AP4E1: variants seen among roughly 807,000 people sequenced by gnomAD.
AP4E1 encodes the protein adaptor related protein complex 4 subunit epsilon 1, also known as AP-4 complex subunit epsilon-1.
Under a neutral mutation model 128.2 loss-of-function variants are expected in AP4E1, and 56 were observed. The observed-to-expected ratio is 0.44, with a 90% confidence interval of 0.35 to 0.55. AP4E1 has a LOEUF of 0.55. Among genes scored for constraint, AP4E1 ranks in the 20% least tolerant of loss-of-function variants. AP4E1 has a pLI of 0.00. For missense variants in AP4E1, 1,324 were observed against 1,307.7 expected, an observed-to-expected ratio of 1.01 and a Z score of -0.19; for synonymous variants, 484 against 473.1, an observed-to-expected ratio of 1.02 and a Z score of -0.30.
chr15:50,999,423 A>G lies in AP4E1; in HGVS notation c.3095+161A>G, dbSNP rs13379628. On this transcript the variant is annotated intron_variant, in intron 19 of 20. Coordinates refer to ENST00000261842, the MANE Select transcript of AP4E1 (RefSeq NM_007347.5). ...GGAATTTCTAGTCTATGGAGGAGAC[A>G]TGGAGCAATTACATAAATACATATG... Among the ~76,000 whole-genome samples the G allele has an allele frequency of 3.0e-3, 455 of 152,358 alleles. 8 individuals carry two copies. Among genetic ancestry groups the G allele is most frequent in the African/African-American group, 0.011 (443 of 41,588 alleles).
intron 10 of AP4E1, among the ~76,000 whole-genome samples, chr15:50,942,874 C>T (rs2064006753): frequency 6.6e-6 from 1 of 151,610 alleles, no homozygotes; most frequent in African/African-American, 2.4e-5. Context: ...ATAAAAATAG[C>T]AAAGATTTAA....
chr15:50,996,772 C>T (rs2064880671), intron 17 of AP4E1, among the ~76,000 whole-genome samples: 1 of 152,190 alleles, frequency 6.6e-6, no homozygotes, highest in South Asian at 2.1e-4. Flanking sequence ...GTGTGGCAAA[C>T]ATCACTAGTC....
chr15:50,913,312 A>G (rs1441687007), intron 2 of AP4E1, among the ~76,000 whole-genome samples: 1 of 152,244 alleles, frequency 6.6e-6, no homozygotes, highest in African/African-American at 2.4e-5. Flanking sequence ...TCATAGTACT[A>G]GATAGAAACG....
Position 50,964,952 on chromosome 15 carries a change from CT to C in AP4E1, c.1852-3310del, listed in dbSNP as rs995200858. 2.0e-3 allele frequency among the ~76,000 whole-genome samples: 255 copies of C among 128,994 alleles called. 3 individuals carry two copies. Among genetic ancestry groups the C allele is most frequent in the African/African-American group, 6.8e-3 (228 of 33,380 alleles). The allele number at this position is 128,994 out of a possible 152,430, so 84.6% of individuals were successfully genotyped here. A position where few individuals can be genotyped will look rare whatever the true frequency, so the allele number is the denominator to read the frequency against. On this transcript the variant is annotated intron_variant, in intron 14 of 20. Coordinates refer to ENST00000261842, the MANE Select transcript of AP4E1 (RefSeq NM_007347.5). The stretch of plus-strand genomic sequence containing the variant: ...TTATTGTAAAGTATAACACCTCCCC[CT>C]ACCACACACACACACACACACACAC...
intron 7 of AP4E1, among the ~76,000 whole-genome samples, chr15:50,933,220 T>C (rs2063858032): frequency 6.6e-6 from 1 of 152,192 alleles, no homozygotes; most frequent in Non-Finnish European, 1.5e-5. Flanking sequence ...TTATGGAACA[T>C]TAGAATGTTT....
chr15:50,929,390 C>CT (rs1256443342), intron 6 of AP4E1, among the ~76,000 whole-genome samples: 1 of 149,234 alleles, frequency 6.7e-6, no homozygotes, highest in Non-Finnish European at 1.5e-5. Context: ...TTTGATGTTA[C>CT]TAAACAGGTG....
chr15:50,980,743 C>T (rs1283240414), intron 15 of AP4E1, among the ~76,000 whole-genome samples: 7 of 152,294 alleles, frequency 4.6e-5, no homozygotes, highest in Admixed American at 3.9e-4. Flanking sequence ...TGCCTCAAGT[C>T]TCTGCTCCCT....
intron 14 of AP4E1, among the ~76,000 whole-genome samples, chr15:50,967,707 C>T (rs2140892721): frequency 6.6e-6 from 1 of 152,304 alleles, no homozygotes; most frequent in Admixed American, 6.5e-5. Context: ...ATATATTCTC[C>T]ACTGCAGTGA....
chr15:50,948,309 A>G, intron 11 of AP4E1, 150 bp downstream of exon 11: 3 of 936,116 alleles, frequency 3.2e-6, no homozygotes, highest in Non-Finnish European at 4.7e-6. Flanking sequence ...TGTCAGAAAA[A>G]GGGATTTGTG....
At chr15:50,999,985 A>ATTT (rs963859582) in intron 19 of AP4E1, among the ~76,000 whole-genome samples, 6 of 151,708 alleles carry the variant, frequency 4.0e-5, no homozygotes, top group Non-Finnish European at 8.8e-5. Flanking sequence ...ACCTGCTCTA[A>ATTT]TTTTGTTTTA....
chr15:50,918,858 G>C (rs1319472632), intron 3 of AP4E1, among the ~76,000 whole-genome samples: 1 of 151,962 alleles, frequency 6.6e-6, no homozygotes, highest in Non-Finnish European at 1.5e-5. Flanking sequence ...ATGTACCATA[G>C]TTTTTTCAAC....
rs906149039 is a variant in AP4E1 at position 50,960,939 on chromosome 15, A to G, written c.1851+2145A>G. Among the ~76,000 whole-genome samples the G allele has an allele frequency of 2.0e-5, 3 of 152,078 alleles. No homozygotes were observed. In the South Asian group the frequency reaches 6.2e-4, roughly 31 times the overall value. The stretch of plus-strand genomic sequence containing the variant: ...TAAGTAAAACCAGAAACAAAAAAGT[A>G]GACATTATAATGGCTACCATAGAAA... On this transcript the variant is annotated intron_variant, in intron 14 of 20. Coordinates refer to ENST00000261842, the MANE Select transcript of AP4E1 (RefSeq NM_007347.5).
At chr15:50,936,887 C>T (rs1055785452) in intron 8 of AP4E1, among the ~76,000 whole-genome samples, 4 of 152,076 alleles carry the variant, frequency 2.6e-5, no homozygotes, top group Non-Finnish European at 5.9e-5. Flanking sequence ...TTACAGTGAG[C>T]CAAGATCATG....
At chr15:51,001,473 C>T (rs1325748713) in intron 20 of AP4E1, among the ~76,000 whole-genome samples, 1 of 152,138 alleles carries the variant, frequency 6.6e-6, no homozygotes. Flanking sequence ...TTTTTATCCT[C>T]CTCAACTGGA....
At chr15:50,909,649 C>G (rs890152526) in intron 1 of AP4E1, among the ~76,000 whole-genome samples, 1 of 149,198 alleles carries the variant, frequency 6.7e-6, no homozygotes, top group Non-Finnish European at 1.5e-5. Context: ...GGTGCGATCT[C>G]GATCTCGGCT....
At chr15:50,955,181 C>T (rs1009426958) in intron 13 of AP4E1, among the ~76,000 whole-genome samples, 12 of 152,148 alleles carry the variant, frequency 7.9e-5, no homozygotes, top group African/African-American at 2.7e-4. Context: ...ATTTATAATC[C>T]TTTGGGTATA....
chr15:50,931,425 G>A (rs142528321), intron 7 of AP4E1, among the ~76,000 whole-genome samples: 4,060 of 152,146 alleles, frequency 0.027, 180 homozygotes, highest in African/African-American at 0.093. Context: ...AATTAGTTGG[G>A]CACAGTGGCG....
At chr15:50,971,109 G>A (rs1342496884) in intron 15 of AP4E1, among the ~76,000 whole-genome samples, 2 of 152,164 alleles carry the variant, frequency 1.3e-5, no homozygotes, top group East Asian at 3.9e-4. Flanking sequence ...ACTCCCTGGA[G>A]CATTTCATGT....
At chr15:50,964,026 C>T (rs746254693) in intron 14 of AP4E1, among the ~76,000 whole-genome samples, 3 of 152,188 alleles carry the variant, frequency 2.0e-5, no homozygotes, top group Non-Finnish European at 4.4e-5. Context: ...TTTGAGCTTC[C>T]TGCATATGGA....
Sources: gnomAD v4.1 joint callset for allele counts (sites outside exome capture counted in the v4.1 genomes callset) on GRCh38, gnomAD v4.1.1 for gene constraint, MANE v1.5 for transcripts, NCBI Gene and HGNC (gene_info 2026-07-23, HGNC 2026-07-21) for gene names.